The following ACSL4 variants were observed in gnomAD, a reference collection of about 807,000 sequenced individuals.
The protein encoded by ACSL4 is long-chain-fatty-acid--CoA ligase 4.
ACSL4 carries 9 observed loss-of-function variants against 49.1 expected under a neutral mutation model. The ratio of observed to expected loss-of-function variants is 0.18; its 90% CI spans 0.11 to 0.32. The LOEUF is 0.32. Among genes scored for constraint, ACSL4 ranks in the 10% least tolerant of loss-of-function variants. The pLI, the probability that ACSL4 is intolerant of heterozygous loss-of-function variation, is 1.00. For synonymous variants in ACSL4, 191 were observed against 170.3 expected, an observed-to-expected ratio of 1.12 and a Z score of -0.95; for missense variants, 333 against 493.7, an observed-to-expected ratio of 0.67 and a Z score of 3.08.
At chrX:109,722,584 A>T (rs1927643565) in intron 1 of ACSL4, among the ~76,000 whole-genome samples, 1 of 111,975 alleles carries the variant, frequency 8.9e-6, no homozygotes, top group East Asian at 2.8e-4. Flanking sequence ...ATCATTGATA[A>T]CTACACTGTA....
At chrX:109,706,700 G>A (rs1926375062) in intron 1 of ACSL4, among the ~76,000 whole-genome samples, 1 of 111,925 alleles carries the variant, frequency 8.9e-6, no homozygotes, top group Non-Finnish European at 1.9e-5. Context: ...TAAATATTTT[G>A]GACAAACAGA....
intron 1 of ACSL4, among the ~76,000 whole-genome samples, chrX:109,729,357 C>T (rs1035861786): frequency 7.2e-5 from 8 of 111,758 alleles, no homozygotes; most frequent in African/African-American, 2.3e-4. Context: ...ACATCATTGG[C>T]GATCAGAAAA....
chrX:109,660,166 G>GA (rs367979291), intron 14 of ACSL4, among the ~76,000 whole-genome samples: 6 of 106,751 alleles, frequency 5.6e-5, no homozygotes, highest in Admixed American at 2.0e-4. Flanking sequence ...CTATGGAATA[G>GA]AAAAAAAAAA....
chrX:109,655,110 C>T (rs748748385), intron 15 of ACSL4, among the ~76,000 whole-genome samples: 4 of 111,718 alleles, frequency 3.6e-5, no homozygotes, highest in Non-Finnish European at 7.5e-5. Context: ...AATGCCTTTT[C>T]AGTGAAGCCC....
intron 9 of ACSL4, among the ~76,000 whole-genome samples, chrX:109,669,772 T>C (rs1417161109): frequency 8.9e-6 from 1 of 112,728 alleles, no homozygotes; most frequent in Non-Finnish European, 1.9e-5. Flanking sequence ...AATTAATCTC[T>C]GTTACAATAT....
At chrX:109,674,027 T>C (rs1055299618) in intron 9 of ACSL4, among the ~76,000 whole-genome samples, 1 of 111,829 alleles carries the variant, frequency 8.9e-6, no homozygotes, top group African/African-American at 3.3e-5. Context: ...TATACGATTC[T>C]TCAGCTCCCT....
At chrX:109,667,884 C>T (rs1489179254) in intron 11 of ACSL4, among the ~76,000 whole-genome samples, 2 of 107,535 alleles carry the variant, frequency 1.9e-5, no homozygotes, top group Non-Finnish European at 3.8e-5. Context: ...AAGAGTGAAA[C>T]TCCATCTCAA....
At chrX:109,646,526 A>C (rs1214671554) in intron 15 of ACSL4, among the ~76,000 whole-genome samples, 16 of 109,822 alleles carry the variant, frequency 1.5e-4, no homozygotes, top group East Asian at 1.1e-3. Flanking sequence ...AGGAAGTGCT[A>C]AACATGGAAA....
chrX:109,665,313 A>C, intron 12 of ACSL4, 107 bp downstream of exon 12: 1 of 713,882 alleles, frequency 1.4e-6, no homozygotes, highest in East Asian at 3.2e-5. Flanking sequence ...ACAGCAAAAC[A>C]GCAGAGAATT....
chrX:109,668,047 G>A, intron 11 of ACSL4, 54 bp downstream of exon 11: 1 of 941,006 alleles, frequency 1.1e-6, no homozygotes, highest in Non-Finnish European at 1.5e-6. Flanking sequence ...TAATGCGAAT[G>A]TATTTTATTA....
In ACSL4 at chrX:109,727,926, C is replaced by T. The variant is rs976294272; in HGVS notation, c.-66+5213G>A. 1.2e-4 allele frequency among the ~76,000 whole-genome samples: 13 copies of T among 111,874 alleles called. No individual in the cohort carries two copies. In the Admixed American group the frequency reaches 1.2e-3, roughly 11 times the overall value. ...GTGGTGGGCAGGATTTGGCCACAGGCAGTATTTTGCCAGCCCCTGCCTTAT... is the reference window on the plus strand; with the variant it reads ...GTGGTGGGCAGGATTTGGCCACAGGTAGTATTTTGCCAGCCCCTGCCTTAT... On this transcript the variant is annotated intron_variant, in intron 1 of 15. Coordinates refer to ENST00000672401, the MANE Select transcript of ACSL4 (RefSeq NM_001318510.2).
rs772395523 is a variant in ACSL4 at position 109,647,617 on chromosome X, G to A, written c.1856-3431C>T. Among the ~76,000 whole-genome samples, 5 of 111,342 alleles carry A rather than the reference G, an allele frequency of 4.5e-5. No individual in the cohort carries two copies. The South Asian group carries it at 1.9e-3, about 42-fold the overall frequency. ...CCTAACATCAAAATTAAAAGAACTA[G>A]AGAAGCAAGAACAAACACATTCAAA... On this transcript the variant is annotated intron_variant, in intron 15 of 15. Transcript: ENST00000672401.
intron 2 of ACSL4, among the ~76,000 whole-genome samples, chrX:109,691,467 G>C (rs1367648874): frequency 8.9e-6 from 1 of 112,054 alleles, no homozygotes; most frequent in Non-Finnish European, 1.9e-5. Flanking sequence ...CTTTTGTAAA[G>C]GGGTGGAGTG....
At chrX:109,662,885 G>A (rs1043818598) in intron 13 of ACSL4, among the ~76,000 whole-genome samples, 3 of 111,323 alleles carry the variant, frequency 2.7e-5, no homozygotes, top group Non-Finnish European at 5.7e-5. Context: ...AGCTCTTTTT[G>A]TTTTCTCATT....
intron 9 of ACSL4, among the ~76,000 whole-genome samples, chrX:109,670,623 T>TCCTCTC (rs1227110119): frequency 9.7e-6 from 1 of 102,948 alleles, no homozygotes; most frequent in African/African-American, 3.5e-5. Flanking sequence ...CTCCTCTCCC[T>TCCTCTC]CCTCTCCCTC....
chrX:109,685,088 C>CT (rs1203140186), intron 2 of ACSL4, among the ~76,000 whole-genome samples: 1,172 of 77,317 alleles, frequency 0.015, 25 homozygotes, highest in East Asian at 0.054. Flanking sequence ...TCTTTTCTTT[C>CT]TTTTTTTTTT....
intron 9 of ACSL4, among the ~76,000 whole-genome samples, chrX:109,671,176 T>G (rs1015847703): frequency 9.3e-6 from 1 of 107,479 alleles, no homozygotes; most frequent in Non-Finnish European, 1.9e-5. Flanking sequence ...GTCTAGGAAG[T>G]GAGGAGTGTC....
chrX:109,681,456 T>C (rs1924160416), intron 4 of ACSL4, 81 bp from the exon 5 acceptor site: 7 of 649,397 alleles, frequency 1.1e-5, no homozygotes, highest in Non-Finnish European at 1.2e-5. Context: ...TCTTTAATAA[T>C]AGTTACACTT....
intron 11 of ACSL4, among the ~76,000 whole-genome samples, chrX:109,667,205 C>T (rs1922728950): frequency 8.9e-6 from 1 of 112,325 alleles, no homozygotes. Context: ...AAAACAATTC[C>T]TATACCCCAG....
Sources: gnomAD v4.1 joint callset for allele counts (sites outside exome capture counted in the v4.1 genomes callset) on GRCh38, gnomAD v4.1.1 for gene constraint, MANE v1.5 for transcripts, NCBI Gene and HGNC (gene_info 2026-07-23, HGNC 2026-07-21) for gene names.